PCDHA5: variants seen among roughly 807,000 people sequenced by gnomAD.
The protein encoded by PCDHA5 is protocadherin alpha 5.
Under a neutral mutation model 61.6 loss-of-function variants are expected in PCDHA5, and 43 were observed. The observed-to-expected ratio is 0.70, with a 90% CI of 0.55 to 0.90. The LOEUF (loss-of-function observed/expected upper bound fraction) is 0.90. Ranked by LOEUF, PCDHA5 falls within the 40% of genes least tolerant of loss-of-function variation. The pLI is 0.00. For synonymous variants in PCDHA5, 627 were observed against 543.9 expected, an observed-to-expected ratio of 1.15 and a Z score of -2.13; for missense variants, 1,298 against 1,222.7, an observed-to-expected ratio of 1.06 and a Z score of -0.92.
intron 1 of PCDHA5, among the ~76,000 whole-genome samples, chr5:140,898,748 G>A (rs1397892217): frequency 1.1e-4 from 16 of 152,222 alleles, no homozygotes; most frequent in African/African-American, 3.9e-4. Context: ...TAGCTTGATG[G>A]GGATGGCATT....
rs2150134564 is a variant in PCDHA5, at chr5:140,824,459, A to C, written c.2352+332A>C. 13 of 431,516 alleles carry C rather than the reference A, an allele frequency of 3.0e-5. No individual in the cohort carries two copies. The Middle Eastern group carries it at 1.8e-3, about 61-fold the overall frequency. The allele number at this position is 431,516 out of a possible 1,614,324, so 26.7% of individuals were successfully genotyped here. ...TCAGTTTATGACTACATGAAAATTT[A>C]TTTTATTTTATTGTTATTTTTTAGA... On this transcript the variant is annotated intron_variant, in intron 1 of 3. Transcript: ENST00000529859.
chr5:140,883,905 G>A (rs781818160), intron 1 of PCDHA5: 2 of 1,613,458 alleles, frequency 1.2e-6, no homozygotes, highest in Non-Finnish European at 1.7e-6. Flanking sequence ...CCGCCTCTGG[G>A]CAGCAACGTG....
At chr5:140,914,023 G>A (rs1434570010) in intron 1 of PCDHA5, among the ~76,000 whole-genome samples, 5 of 152,112 alleles carry the variant, frequency 3.3e-5, no homozygotes, top group African/African-American at 7.2e-5. Context: ...AATGATCCAC[G>A]TGCTGAGAAG....
Position 140,935,377 on chromosome 5 carries a change from C to T in PCDHA5, c.2353-43572C>T, listed in dbSNP as rs139207351. On this transcript the variant is annotated intron_variant, in intron 1 of 3. Coordinates refer to ENST00000529859, the MANE Select transcript of PCDHA5 (RefSeq NM_018908.3). ...GTTTTCATTAACGTCAACAGAATTA[C>T]TCATTTGTTATCCCACGGGACTCAA... is the stretch of plus-strand genomic sequence containing the variant. Among the ~76,000 whole-genome samples the T allele has an allele frequency of 1.3e-4, 20 of 152,332 alleles. No individual in the cohort carries two copies. In the East Asian group the frequency reaches 3.1e-3, roughly 23 times the overall value.
chr5:140,904,619 T>C (rs1554191627), intron 1 of PCDHA5, among the ~76,000 whole-genome samples: 1 of 152,126 alleles, frequency 6.6e-6, no homozygotes, highest in African/African-American at 2.4e-5. Context: ...GTTTTACTTT[T>C]AGTTCTTTAA....
chr5:140,974,709 C>T (rs1385583490), intron 1 of PCDHA5, among the ~76,000 whole-genome samples: 1 of 152,092 alleles, frequency 6.6e-6, no homozygotes, highest in Non-Finnish European at 1.5e-5. Flanking sequence ...CCATGTTGTT[C>T]AAGCTGCTCT....
chr5:140,869,125 G>T (rs371936789), intron 1 of PCDHA5: 4 of 1,611,550 alleles, frequency 2.5e-6, no homozygotes, highest in East Asian at 4.5e-5. Context: ...TCAGAGAAGG[G>T]GATTGGGCAC....
At chr5:140,883,303 T>C in intron 1 of PCDHA5, 3 of 1,614,096 alleles carry the variant, frequency 1.9e-6, no homozygotes, top group Non-Finnish European at 2.5e-6. Flanking sequence ...ATGTAAATGA[T>C]AACGCCCCAG....
At position 140,843,279 on chromosome 5, in the gene PCDHA5, A is replaced by T. The variant is rs1778750894; in HGVS notation, c.2352+19152A>T. 3.8e-6 allele frequency: 6 copies of T among 1,595,936 alleles called. 2 individuals carry two copies. Among genetic ancestry groups the T allele is most frequent in the Non-Finnish European group, 4.3e-6 (5 of 1,165,554 alleles). On this transcript the variant is annotated intron_variant, in intron 1 of 3. Coordinates refer to ENST00000529859, the MANE Select transcript of PCDHA5 (RefSeq NM_018908.3). ...CACCGTCTGCTGGTCCTGGTGAAGGATCATGGTGAACCTGCGCTGACCGCC... is the reference window on the plus strand; with the variant it reads ...CACCGTCTGCTGGTCCTGGTGAAGGTTCATGGTGAACCTGCGCTGACCGCC...
chr5:140,928,744 C>T (rs143875858), intron 1 of PCDHA5: 3 of 1,614,144 alleles, frequency 1.9e-6, no homozygotes, highest in Admixed American at 3.3e-5. Context: ...TATAGGTGAG[C>T]TCCGTACTGC....
chr5:140,883,782 C>T (rs1434451644), intron 1 of PCDHA5: 1 of 1,612,468 alleles, frequency 6.2e-7, no homozygotes, highest in African/African-American at 1.3e-5. Flanking sequence ...CGTGCGCTGT[C>T]GAGCTACGTG....
chr5:140,841,285 T>G (rs2150312602), intron 1 of PCDHA5: 2 of 1,550,288 alleles, frequency 1.3e-6, no homozygotes, highest in East Asian at 2.3e-5. Context: ...ATCTTTATAT[T>G]AAGATAATAT....
chr5:140,856,767 T>A, intron 1 of PCDHA5: 1 of 1,596,922 alleles, frequency 6.3e-7, no homozygotes, highest in Non-Finnish European at 8.6e-7. Context: ...AACGCCCCTA[T>A]CTTTGACAGA....
intron 1 of PCDHA5, chr5:140,826,001 C>G (rs2150077180): frequency 6.6e-6 from 1 of 152,282 alleles, no homozygotes; most frequent in South Asian, 2.1e-4. Context: ...AGTAAATAGT[C>G]CACACTTTAC....
At chr5:140,830,288 A>G in intron 1 of PCDHA5, 1 of 1,613,696 alleles carries the variant, frequency 6.2e-7, no homozygotes, top group East Asian at 2.2e-5. Flanking sequence ...GGGCGCGTGC[A>G]CGGCGGACAA....
intron 1 of PCDHA5, chr5:140,852,695 T>G: frequency 1.0e-6 from 1 of 976,386 alleles, no homozygotes; most frequent in Non-Finnish European, 1.2e-6. Context: ...GTCTTATACT[T>G]TCAAGTATCT....
intron 1 of PCDHA5, chr5:140,841,169 T>G (rs1426185957): frequency 4.1e-6 from 4 of 972,304 alleles, no homozygotes; most frequent in Non-Finnish European, 6.0e-6. Context: ...GAAGTTCTGG[T>G]TGGTCAATGT....
Position 140,823,692 on chromosome 5 carries a change from C to A in PCDHA5, c.1917C>A (p.Thr639=). Residue 639 remains threonine, a synonymous_variant, in exon 1 of 4, where the codon ACC becomes ACA. Coordinates refer to ENST00000529859, the MANE Select transcript of PCDHA5 (RefSeq NM_018908.3). ...GCACAACACGCTCTCTGGATGAGAC[C>A]GAAGCACCGCGCCACCGCCTTCTGG... is the stretch of plus-strand genomic sequence containing the variant. ...EISTTRSLDE[T]EAPRHRLLVL... 6.2e-7 allele frequency: 1 copy of A among 1,613,934 alleles called. No homozygotes were observed. The highest frequency in any genetic ancestry group is 1.1e-5 in the South Asian group (1 of 91,080).
intron 1 of PCDHA5, chr5:140,841,802 G>A: frequency 6.2e-7 from 1 of 1,613,944 alleles, no homozygotes; most frequent in Non-Finnish European, 8.5e-7. Context: ...GTCCGATGCA[G>A]ATGTTGGAGC....
Sources: gnomAD v4.1 joint callset for allele counts (sites outside exome capture counted in the v4.1 genomes callset) on GRCh38, gnomAD v4.1.1 for gene constraint, MANE v1.5 for transcripts, NCBI Gene and HGNC (gene_info 2026-07-23, HGNC 2026-07-21) for gene names.